APBB1IP: variants seen among roughly 807,000 people sequenced by gnomAD.
APBB1IP encodes the protein amyloid beta A4 precursor protein-binding family B member 1-interacting protein.
A neutral mutation model predicts 64.9 loss-of-function variants in APBB1IP; 27 were observed. The ratio of observed to expected loss-of-function variants is 0.42; its 90% CI spans 0.31 to 0.57. The LOEUF (loss-of-function observed/expected upper bound fraction) is 0.57. Ranked by LOEUF, APBB1IP falls within the 20% of genes least tolerant of loss-of-function variation. The pLI is 0.20. For synonymous variants in APBB1IP, 392 were observed against 331.0 expected (o/e 1.18, Z -2.00); for missense variants, 812 against 845.5 (o/e 0.96, Z 0.49).
intron 8 of APBB1IP, among the ~76,000 whole-genome samples, chr10:26,520,463 T>C (rs938692585): frequency 1.1e-4 from 17 of 152,238 alleles, no homozygotes; most frequent in African/African-American, 4.1e-4. Flanking sequence ...TAAAATTTCA[T>C]TCTTAAAGTA....
chr10:26,559,471 G>A (rs1353947189), intron 11 of APBB1IP, among the ~76,000 whole-genome samples: 1 of 151,992 alleles, frequency 6.6e-6, no homozygotes, highest in Non-Finnish European at 1.5e-5. Flanking sequence ...TAGCTACTCA[G>A]GAAGCTGAGG....
At chr10:26,497,508 G>A (rs890214397) in intron 4 of APBB1IP, among the ~76,000 whole-genome samples, 2 of 151,412 alleles carry the variant, frequency 1.3e-5, no homozygotes, top group African/African-American at 2.4e-5. Context: ...CTGAGATCGC[G>A]CCACTGCACT....
Position 26,567,442 on chromosome 10 carries a change from C to G in APBB1IP, c.1955C>G (p.Ser652Ter), listed in dbSNP as rs777769666. The G allele has an allele frequency of 1.1e-5, 17 of 1,606,548 alleles. No individual in the cohort carries two copies. The highest frequency in any genetic ancestry group is 1.4e-5 in the Non-Finnish European group (17 of 1,175,058). Residue 652 changes from serine (S) to a stop codon, truncating the protein, a stop_gained, in exon 15 of 15, where the codon TCA (serine) becomes TGA (stop). Transcript: ENST00000376236. LOFTEE classifies it high-confidence loss of function. ...GAGGGEQDFM[S>*]DLMKALQKKR... The stretch of plus-strand genomic sequence containing the variant: ...GGAGGCGGGGAGCAAGATTTCATGT[C>G]AGACCTCATGAAAGCTTTGCAAAAG...
At chr10:26,477,959 C>T (rs1385063541) in intron 2 of APBB1IP, among the ~76,000 whole-genome samples, 1 of 152,114 alleles carries the variant, frequency 6.6e-6, no homozygotes, top group Non-Finnish European at 1.5e-5. Context: ...TAAATTTATC[C>T]ATTTATTTAA....
intron 11 of APBB1IP, among the ~76,000 whole-genome samples, chr10:26,555,185 C>A (rs1003308254): frequency 6.6e-6 from 1 of 152,278 alleles, no homozygotes; most frequent in African/African-American, 2.4e-5. Context: ...CGATCTTATT[C>A]TTCACTCCAG....
intron 14 of APBB1IP, 127 bp from the exon 15 acceptor site, chr10:26,566,834 G>C (rs1461034201): frequency 2.8e-6 from 3 of 1,083,436 alleles, no homozygotes; most frequent in Non-Finnish European, 3.8e-6. Context: ...GCTGCAGTAA[G>C]TCCAGATCGC....
chr10:26,509,545 C>T (rs1268280376), intron 6 of APBB1IP: 1 of 152,238 alleles, frequency 6.6e-6, no homozygotes, highest in East Asian at 1.9e-4. Flanking sequence ...AGGAACTACA[C>T]TCTTCAACCT....
chr10:26,480,098 G>A (rs1835817971), intron 2 of APBB1IP, among the ~76,000 whole-genome samples: 1 of 152,192 alleles, frequency 6.6e-6, no homozygotes, highest in Non-Finnish European at 1.5e-5. Context: ...AGGAAGCTTG[G>A]ATCAAGGTGA....
intron 11 of APBB1IP, among the ~76,000 whole-genome samples, chr10:26,542,922 T>C (rs1836714209): frequency 6.7e-6 from 1 of 149,618 alleles, no homozygotes; most frequent in African/African-American, 2.5e-5. Context: ...CTAAAAACAT[T>C]TTTGATTGTC....
At chr10:26,498,078 T>A (rs1836050019) in intron 4 of APBB1IP, among the ~76,000 whole-genome samples, 1 of 152,180 alleles carries the variant, frequency 6.6e-6, no homozygotes, top group Admixed American at 6.6e-5. Context: ...AACCATTAAG[T>A]GCCAGTGACT....
At chr10:26,562,270 T>C in intron 13 of APBB1IP, 56 bp from the exon 14 acceptor site, 1 of 1,327,862 alleles carries the variant, frequency 7.5e-7, no homozygotes, top group African/African-American at 1.4e-5. Context: ...AGATCGACTT[T>C]CAAGAATGTT....
At chr10:26,546,141 A>G (rs34358740) in intron 11 of APBB1IP, among the ~76,000 whole-genome samples, 14,381 of 152,258 alleles carry the variant, frequency 0.094, 945 homozygotes, top group East Asian at 0.2. Flanking sequence ...GCACATCTTC[A>G]AGAGATGAGA....
chr10:26,518,143 C>T (rs1293000618), intron 8 of APBB1IP, among the ~76,000 whole-genome samples: 2 of 152,036 alleles, frequency 1.3e-5, no homozygotes, highest in Non-Finnish European at 2.9e-5. Flanking sequence ...TTAGTACAGG[C>T]AGGGTTTCAC....
Position 26,496,489 on chromosome 10 carries a change from A to C in APBB1IP, c.160+98A>C, listed in dbSNP as rs1415643727. On this transcript the variant is annotated intron_variant, in intron 4 of 14. Transcript: ENST00000376236. Reference sequence around the variant, plus strand: ...TTTGAAAACTAAATTAAAGGAACCTAAACATCATGATAAATATTGTTAAAA... The same window carrying C: ...TTTGAAAACTAAATTAAAGGAACCTCAACATCATGATAAATATTGTTAAAA... The C allele has an allele frequency of 3.3e-6, 3 of 917,246 alleles. No homozygotes were observed. In the East Asian group the frequency reaches 8.0e-5, roughly 24 times the overall value. The allele number at this position is 917,246 out of a possible 1,614,324, so 56.8% of individuals were successfully genotyped here. A position where few individuals can be genotyped will look rare whatever the true frequency, so the allele number is the denominator to read the frequency against.
intron 8 of APBB1IP, among the ~76,000 whole-genome samples, chr10:26,522,937 G>T (rs1424230039): frequency 2.7e-5 from 4 of 148,886 alleles, no homozygotes; most frequent in Non-Finnish European, 5.9e-5. Context: ...CCGGGAGGTG[G>T]AGGTTGCAGT....
chr10:26,461,030 C>T (rs1205527522), intron 2 of APBB1IP, among the ~76,000 whole-genome samples: 1 of 151,954 alleles, frequency 6.6e-6, no homozygotes, highest in Non-Finnish European at 1.5e-5. Context: ...TGCAAGGGAG[C>T]CTGGGAAACA....
At chr10:26,490,188 G>A (rs1016221716) in intron 2 of APBB1IP, among the ~76,000 whole-genome samples, 2 of 152,174 alleles carry the variant, frequency 1.3e-5, no homozygotes, top group African/African-American at 4.8e-5. Context: ...AAATATTAAA[G>A]TCACTTAAAG....
chr10:26,469,067 GT>G (rs1835682865), intron 2 of APBB1IP, among the ~76,000 whole-genome samples: 1 of 150,958 alleles, frequency 6.6e-6, no homozygotes. Context: ...TTCCGTTAGG[GT>G]CTCAAAAGAT....
At chr10:26,491,571 T>TAAA (rs1835955307) in intron 2 of APBB1IP, among the ~76,000 whole-genome samples, 2 of 152,178 alleles carry the variant, frequency 1.3e-5, no homozygotes, top group South Asian at 4.1e-4. Context: ...AAAGAAAGGT[T>TAAA]AAAATGTAAA....
Sources: gnomAD v4.1 joint callset for allele counts (sites outside exome capture counted in the v4.1 genomes callset) on GRCh38, gnomAD v4.1.1 for gene constraint, MANE v1.5 for transcripts, NCBI Gene and HGNC (gene_info 2026-07-23, HGNC 2026-07-21) for gene names.